Variants in NAALADL2 observed in about 807,000 individuals in gnomAD.
NAALADL2 encodes the protein N-acetylated alpha-linked acidic dipeptidase like 2, also known as inactive N-acetylated-alpha-linked acidic dipeptidase-like protein 2.
In NAALADL2, 76 loss-of-function variants were observed where a neutral mutation model predicts 87.2. The observed-to-expected ratio is 0.87, with a 90% CI of 0.72 to 1.05. The LOEUF (loss-of-function observed/expected upper bound fraction) is 1.05. NAALADL2 is among the 50% of genes least tolerant of loss of function. The pLI, the probability that NAALADL2 is intolerant of heterozygous loss-of-function variation, is 0.00. For missense variants in NAALADL2, 1,089 were observed against 945.8 expected (o/e 1.15, Z -1.99); for synonymous variants, 354 against 331.0 (o/e 1.07, Z -0.75).
At chr3:175,339,966 T>C (rs1159530711) in intron 5 of NAALADL2, among the ~76,000 whole-genome samples, 2 of 152,190 alleles carry the variant, frequency 1.3e-5, no homozygotes, top group Non-Finnish European at 2.9e-5. Context: ...CACATCATTA[T>C]TTAAAAGTCT....
At chr3:175,782,836 T>C (rs1422821760) in intron 13 of NAALADL2, among the ~76,000 whole-genome samples, 2 of 148,514 alleles carry the variant, frequency 1.3e-5, no homozygotes, top group African/African-American at 5.2e-5. Context: ...TTTATGGTTT[T>C]AGGTCTAATG....
chr3:175,358,566 A>C (rs1448192783), intron 5 of NAALADL2, among the ~76,000 whole-genome samples: 1 of 152,020 alleles, frequency 6.6e-6, no homozygotes, highest in Non-Finnish European at 1.5e-5. Flanking sequence ...TTGTCTTTTA[A>C]CCTATGAAAG....
chr3:175,575,108 T>A (rs1407754308), intron 9 of NAALADL2, among the ~76,000 whole-genome samples: 1 of 152,176 alleles, frequency 6.6e-6, no homozygotes, highest in African/African-American at 2.4e-5. Flanking sequence ...AGACAACTCT[T>A]AGTTTAAGAA....
At chr3:174,444,250 C>A (rs539796429) in intron 1 of NAALADL2, among the ~76,000 whole-genome samples, 19 of 152,130 alleles carry the variant, frequency 1.2e-4, no homozygotes, top group South Asian at 2.1e-4. Context: ...TTACCTAGAA[C>A]AAATGAGAGA....
In NAALADL2 at chr3:174,620,320, C is replaced by T. The variant is rs1036619889; in HGVS notation, c.-115+69683C>T. Among the ~76,000 whole-genome samples the T allele has an allele frequency of 7.2e-5, 11 of 152,010 alleles. No homozygotes were observed. In the South Asian group the frequency reaches 1.0e-3, roughly 14 times the overall value. On this transcript the variant is annotated intron_variant, in intron 2 of 3. Coordinates refer to the NAALADL2 transcript ENST00000434257. The stretch of plus-strand genomic sequence containing the variant: ...ATATCAAAATGGGCACTGAGTCACC[C>T]GATGTACCGTTGTAAATGCACAAGG...
chr3:175,810,485 T>C lies in NAALADL2; in HGVS notation c.*7282T>C, dbSNP rs1018155638. The C allele has an allele frequency of 2.0e-5, 3 of 151,726 alleles. No homozygotes were observed. The highest frequency in any genetic ancestry group is 4.4e-5 in the Non-Finnish European group (3 of 67,930). 9.4% of individuals were successfully genotyped at this position (151,726 alleles called of 1,614,324 possible). On this transcript the variant is annotated 3_prime_UTR_variant, in exon 14 of 14. Coordinates refer to ENST00000454872, the MANE Select transcript of NAALADL2 (RefSeq NM_207015.3). ...TGTTCTGAATCATAATTTTCATGAGTTTGTACGTGAAATGTTAATGTTTAA... is the reference window on the plus strand; with the variant it reads ...TGTTCTGAATCATAATTTTCATGAGCTTGTACGTGAAATGTTAATGTTTAA...
intron 5 of NAALADL2, among the ~76,000 whole-genome samples, chr3:175,329,143 G>T (rs2110481336): frequency 6.6e-6 from 1 of 152,240 alleles, no homozygotes. Flanking sequence ...ACTTAGACTT[G>T]AATTTCCTTA....
At chr3:174,689,121 AAAC>A (rs1389427036) in intron 2 of NAALADL2, among the ~76,000 whole-genome samples, 4 of 152,176 alleles carry the variant, frequency 2.6e-5, no homozygotes, top group Non-Finnish European at 4.4e-5. Flanking sequence ...ACATGAATAA[AAAC>A]AATAAGTATA....
At chr3:175,541,153 C>CAATCCCTTCACTCTT (rs1019027907) in intron 9 of NAALADL2, among the ~76,000 whole-genome samples, 8 of 152,190 alleles carry the variant, frequency 5.3e-5, no homozygotes, top group South Asian at 2.1e-4. Context: ...TCGAATCCTT[C>CAATCCCTTCACTCTT]AATCCCTTCA....
At chr3:175,206,114 A>G (rs1219461569) in intron 2 of NAALADL2, among the ~76,000 whole-genome samples, 1 of 151,628 alleles carries the variant, frequency 6.6e-6, no homozygotes, top group South Asian at 2.1e-4. Context: ...CCACAGGAAA[A>G]TAAGTCATTA....
chr3:175,290,321 T>C (rs1560298961), intron 4 of NAALADL2, among the ~76,000 whole-genome samples: 1 of 152,302 alleles, frequency 6.6e-6, no homozygotes, highest in East Asian at 1.9e-4. Flanking sequence ...CAATGGAATG[T>C]GAATGAAAAT....
chr3:175,285,887 G>C (rs1245053229), intron 4 of NAALADL2, among the ~76,000 whole-genome samples: 1 of 152,002 alleles, frequency 6.6e-6, no homozygotes, highest in Non-Finnish European at 1.5e-5. Flanking sequence ...TAGTAAATTT[G>C]ATTAAGAAAA....
chr3:175,587,002 C>T (rs1649300014), intron 10 of NAALADL2, among the ~76,000 whole-genome samples: 1 of 152,194 alleles, frequency 6.6e-6, no homozygotes, highest in Admixed American at 6.5e-5. Flanking sequence ...TTGAACAATC[C>T]AAATGATTAA....
At chr3:175,622,690 T>C (rs1726396829) in intron 10 of NAALADL2, among the ~76,000 whole-genome samples, 1 of 152,186 alleles carries the variant, frequency 6.6e-6, no homozygotes, top group East Asian at 1.9e-4. Flanking sequence ...AGTTTACTAA[T>C]CTTAAATAGT....
chr3:175,518,130 A>G (rs553476570), intron 9 of NAALADL2, among the ~76,000 whole-genome samples: 6 of 152,188 alleles, frequency 3.9e-5, no homozygotes, highest in Non-Finnish European at 5.9e-5. Context: ...TTGCTCGTCT[A>G]TGTTTACATC....
chr3:175,236,714 G>A (rs1423387529), intron 3 of NAALADL2, among the ~76,000 whole-genome samples: 2 of 152,064 alleles, frequency 1.3e-5, no homozygotes, highest in Non-Finnish European at 2.9e-5. Context: ...GAATCTGTTG[G>A]GCCCTAGAGT....
At chr3:175,705,059 T>C (rs1424299018) in intron 11 of NAALADL2, among the ~76,000 whole-genome samples, 1 of 152,112 alleles carries the variant, frequency 6.6e-6, no homozygotes, top group Non-Finnish European at 1.5e-5. Context: ...AGCACAACAT[T>C]TTCAGAGACA....
At position 175,790,070 on chromosome 3, in the gene NAALADL2, ATACT is replaced by A. The variant is rs919267213; in HGVS notation, c.2190-12930_2190-12927del. 2.0e-5 allele frequency among the ~76,000 whole-genome samples: 3 copies of A among 152,208 alleles called. No individual in the cohort carries two copies. The East Asian group carries it at 5.8e-4, about 29-fold the overall frequency. ...GGGACTTAGAATACAAAATTTCAAA[ATACT>A]TACTAGGATTGGCTAACTTAATTAC... On this transcript the variant is annotated intron_variant, in intron 13 of 13. Coordinates refer to ENST00000454872, the MANE Select transcript of NAALADL2 (RefSeq NM_207015.3).
At chr3:175,400,931 TGAAGGTATGTAC>T (rs1770490528) in intron 5 of NAALADL2, among the ~76,000 whole-genome samples, 1 of 152,162 alleles carries the variant, frequency 6.6e-6, no homozygotes, top group Non-Finnish European at 1.5e-5. Flanking sequence ...ACTCATCTGC[TGAAGGTATGTAC>T]AGTTTTATTA....
Sources: allele counts gnomAD v4.1 joint callset (sites outside exome capture counted in the v4.1 genomes callset), GRCh38; gene constraint gnomAD v4.1.1; transcripts MANE v1.5; gene names NCBI Gene and HGNC (gene_info 2026-07-23, HGNC 2026-07-21).